RBFOX1: variants seen among roughly 807,000 people sequenced by gnomAD.
The protein encoded by RBFOX1 is RNA binding fox-1 homolog 1.
A neutral mutation model predicts 57.7 loss-of-function variants in RBFOX1; 8 were observed. The observed-to-expected ratio is 0.14, with a 90% CI of 0.08 to 0.25. The LOEUF (loss-of-function observed/expected upper bound fraction) is 0.25. Ranked by LOEUF, RBFOX1 falls within the 10% of genes least tolerant of loss-of-function variation. The pLI, the probability that RBFOX1 is intolerant of heterozygous loss-of-function variation, is 1.00. For missense variants in RBFOX1, 611 were observed against 548.5 expected, an observed-to-expected ratio of 1.11 and a Z score of -1.14; for synonymous variants, 326 against 222.4, an observed-to-expected ratio of 1.47 and a Z score of -4.15.
chr16:7,292,250 TATGATATATGATATAGAA>T (rs1568064200), intron 4 of RBFOX1, among the ~76,000 whole-genome samples: 2 of 110,694 alleles, frequency 1.8e-5, no homozygotes, highest in Non-Finnish European at 1.7e-5. Context: ...ATATCATATA[TATGATATATGATATAGAA>T]CGTATTATAT....
At chr16:6,348,520 C>T (rs1050598731) in intron 2 of RBFOX1, among the ~76,000 whole-genome samples, 12 of 152,130 alleles carry the variant, frequency 7.9e-5, no homozygotes, top group African/African-American at 9.6e-5. Flanking sequence ...ATACCTGAGA[C>T]GGGGTAATTT....
At position 5,511,184 on chromosome 16, in the gene RBFOX1, T is replaced by C. The variant is rs535392551; in HGVS notation, c.258+43930T>C. ...TGAAGAGTTCTGTGCAAGAACAGAC[T>C]AGTGATTCTTGCCCCAAGAAGCAGC... On this transcript the variant is annotated intron_variant, in intron 2 of 2. Coordinates refer to the RBFOX1 transcript ENST00000585867. Among the ~76,000 whole-genome samples the C allele has an allele frequency of 9.2e-5, 14 of 152,320 alleles. No individual in the cohort carries two copies. In the South Asian group the frequency reaches 2.9e-3, roughly 32 times the overall value.
chr16:6,990,691 G>A (rs180864954), intron 3 of RBFOX1, among the ~76,000 whole-genome samples: 2 of 152,158 alleles, frequency 1.3e-5, no homozygotes, highest in East Asian at 1.9e-4. Context: ...GTTTTGCACC[G>A]ACCTAATAGT....
intron 1 of RBFOX1, among the ~76,000 whole-genome samples, chr16:6,100,644 C>G (rs1230754991): frequency 6.6e-6 from 1 of 152,120 alleles, no homozygotes; most frequent in Non-Finnish European, 1.5e-5. Flanking sequence ...TAGTAGGGTC[C>G]ATACTTTCCA....
At chr16:7,228,486 G>C (rs2152899726) in intron 4 of RBFOX1, among the ~76,000 whole-genome samples, 1 of 152,138 alleles carries the variant, frequency 6.6e-6, no homozygotes, top group African/African-American at 2.4e-5. Flanking sequence ...CATTGAACTT[G>C]GTTTTCTCAG....
chr16:5,414,343 G>A (rs150699472), intron 1 of RBFOX1, among the ~76,000 whole-genome samples: 15 of 152,232 alleles, frequency 9.9e-5, no homozygotes, highest in East Asian at 1.9e-4. Context: ...TTCCACTTCC[G>A]TCCTCCGACA....
intron 1 of RBFOX1, among the ~76,000 whole-genome samples, chr16:5,436,301 G>C (rs1230404871): frequency 6.6e-6 from 1 of 152,206 alleles, no homozygotes; most frequent in Admixed American, 6.5e-5. Flanking sequence ...TGGTGCCCTT[G>C]GTTCCAAGTT....
intron 3 of RBFOX1, among the ~76,000 whole-genome samples, chr16:6,981,771 C>A (rs1445935123): frequency 1.3e-5 from 2 of 152,112 alleles, no homozygotes; most frequent in African/African-American, 2.4e-5. Context: ...CCGCCTGGTT[C>A]CCCCAGGACA....
At chr16:6,439,366 C>T (rs2094318243) in intron 2 of RBFOX1, among the ~76,000 whole-genome samples, 2 of 152,302 alleles carry the variant, frequency 1.3e-5, no homozygotes, top group Non-Finnish European at 2.9e-5. Flanking sequence ...GTGTCACAGG[C>T]ATGATTAACG....
chr16:5,824,850 G>A (rs1344738956), intron 3 of RBFOX1, among the ~76,000 whole-genome samples: 1 of 152,142 alleles, frequency 6.6e-6, no homozygotes, highest in African/African-American at 2.4e-5. Context: ...TGGTTCCCGA[G>A]GTGGGCTAGG....
intron 4 of RBFOX1, among the ~76,000 whole-genome samples, chr16:7,256,989 C>G (rs554451309): frequency 3.3e-5 from 5 of 152,258 alleles, no homozygotes; most frequent in East Asian, 3.9e-4. Flanking sequence ...TTCTCTGTTA[C>G]TCGTTCTGAT....
chr16:5,884,594 C>G (rs895589251), intron 4 of RBFOX1, among the ~76,000 whole-genome samples: 2 of 151,900 alleles, frequency 1.3e-5, no homozygotes, highest in Admixed American at 6.6e-5. Context: ...ATGACTTTTT[C>G]CAACGTAGCC....
chr16:6,864,817 TG>T (rs1300212345), intron 3 of RBFOX1, among the ~76,000 whole-genome samples: 2 of 151,918 alleles, frequency 1.3e-5, no homozygotes, highest in Non-Finnish European at 2.9e-5. Flanking sequence ...ATATGCTACT[TG>T]GGTATTTTGT....
chr16:6,675,059 C>A (rs1310223356), intron 3 of RBFOX1, among the ~76,000 whole-genome samples: 10 of 152,060 alleles, frequency 6.6e-5, no homozygotes, highest in African/African-American at 1.9e-4. Flanking sequence ...GTATGTGCCA[C>A]CACACCCACT....
chr16:6,747,595 G>A (rs1603504998), intron 3 of RBFOX1, among the ~76,000 whole-genome samples: 1 of 152,086 alleles, frequency 6.6e-6, no homozygotes, highest in Non-Finnish European at 1.5e-5. Context: ...TATCTTCTAT[G>A]GGTCTTCTCT....
chr16:7,345,562 G>C (rs563061627), intron 4 of RBFOX1, among the ~76,000 whole-genome samples: 10 of 152,256 alleles, frequency 6.6e-5, no homozygotes, highest in Admixed American at 1.3e-4. Flanking sequence ...ATTTGTGTGG[G>C]CGCCCAGCAG....
chr16:6,350,858 A>C (rs977360734), intron 2 of RBFOX1, among the ~76,000 whole-genome samples: 3 of 152,214 alleles, frequency 2.0e-5, no homozygotes, highest in Non-Finnish European at 4.4e-5. Context: ...TGGGGATTTG[A>C]ACCAGGGTCT....
intron 4 of RBFOX1, among the ~76,000 whole-genome samples, chr16:5,955,247 C>G (rs2059603519): frequency 6.9e-6 from 1 of 145,156 alleles, no homozygotes; most frequent in Non-Finnish European, 1.5e-5. Flanking sequence ...TGCCATTGCA[C>G]TTCAGCCTGG....
chr16:6,951,124 C>T (rs528342720), intron 3 of RBFOX1, among the ~76,000 whole-genome samples: 1 of 152,086 alleles, frequency 6.6e-6, no homozygotes, highest in Admixed American at 6.6e-5. Flanking sequence ...CCAGGCTGGT[C>T]TTAAACTCCT....
Sources: allele counts gnomAD v4.1 joint callset (sites outside exome capture counted in the v4.1 genomes callset), GRCh38; gene constraint gnomAD v4.1.1; transcripts MANE v1.5; gene names NCBI Gene and HGNC (gene_info 2026-07-23, HGNC 2026-07-21).